The following MBNL1 variants were observed in gnomAD, a reference collection of about 807,000 sequenced individuals.
MBNL1 encodes the protein muscleblind-like protein 1.
Under a neutral mutation model 42.2 loss-of-function variants are expected in MBNL1, and 8 were observed. The ratio of observed to expected loss-of-function variants is 0.19; its 90% CI spans 0.11 to 0.34. MBNL1 has a LOEUF of 0.34. MBNL1 is among the 10% of genes least tolerant of loss of function. MBNL1 has a pLI of 1.00. For missense variants in MBNL1, 309 were observed against 495.3 expected (o/e 0.62, Z 3.57); for synonymous variants, 169 against 173.9 (o/e 0.97, Z 0.22).
At position 152,280,761 on chromosome 3, in the gene MBNL1, G is replaced by C. The variant is rs573979745; in HGVS notation, c.-790+11669G>C. Among the ~76,000 whole-genome samples, 7 of 152,246 alleles carry C rather than the reference G, an allele frequency of 4.6e-5. No homozygotes were observed. The South Asian group carries it at 1.4e-3, about 32-fold the overall frequency. ...GCCAGCTTCCAGACTTTGAAATGGT[G>C]AAAGTGCAACTGTGCATATTCTTCT... On this transcript the variant is annotated intron_variant, in intron 1 of 9. Coordinates refer to ENST00000324210, the MANE Select transcript of MBNL1 (RefSeq NM_021038.5).
chr3:152,246,626 T>C (rs1428607993), intron 2 of MBNL1, among the ~76,000 whole-genome samples: 1 of 152,046 alleles, frequency 6.6e-6, no homozygotes, highest in Admixed American at 6.6e-5. Flanking sequence ...TTCTGAGCTG[T>C]AGTATATATT....
intron 1 of MBNL1, among the ~76,000 whole-genome samples, chr3:152,272,246 C>G (rs990651232): frequency 6.6e-6 from 1 of 152,068 alleles, no homozygotes; most frequent in African/African-American, 2.4e-5. Context: ...TCTTTCTTAT[C>G]CATTGTAACC....
intron 2 of MBNL1, among the ~76,000 whole-genome samples, chr3:152,332,618 G>A (rs2085520321): frequency 6.6e-6 from 1 of 151,862 alleles, no homozygotes; most frequent in Non-Finnish European, 1.5e-5. Flanking sequence ...ATTTCTTACA[G>A]CTTATGGCTA....
At chr3:152,434,090 G>A (rs2099046175) in intron 4 of MBNL1, among the ~76,000 whole-genome samples, 1 of 152,126 alleles carries the variant, frequency 6.6e-6, no homozygotes, top group Admixed American at 6.5e-5. Flanking sequence ...ACATGTGCAG[G>A]TTTTTATATA....
At chr3:152,366,406 T>C (rs2096373792) in intron 2 of MBNL1, among the ~76,000 whole-genome samples, 1 of 152,168 alleles carries the variant, frequency 6.6e-6, no homozygotes, top group Non-Finnish European at 1.5e-5. Context: ...ATTTGTCTTC[T>C]TATTTTGCTG....
chr3:152,370,170 A>G (rs1432675151), intron 2 of MBNL1, among the ~76,000 whole-genome samples: 1 of 152,066 alleles, frequency 6.6e-6, no homozygotes, highest in Non-Finnish European at 1.5e-5. Flanking sequence ...TCTAAACACT[A>G]CTTTAGCTGT....
chr3:152,447,447 T>G (rs904231102), intron 5 of MBNL1, among the ~76,000 whole-genome samples, 173 bp from the exon 6 acceptor site: 1 of 151,916 alleles, frequency 6.6e-6, no homozygotes, highest in African/African-American at 2.4e-5. Context: ...ATCTTGCTTT[T>G]TTTTTTTTTT....
chr3:152,260,922 T>C (rs1202205526), intron 2 of MBNL1, among the ~76,000 whole-genome samples: 1 of 152,222 alleles, frequency 6.6e-6, no homozygotes, highest in African/African-American at 2.4e-5. Flanking sequence ...TCTAGATGCA[T>C]ATGGGCACCA....
chr3:152,434,027 C>G (rs1406576627), intron 4 of MBNL1, among the ~76,000 whole-genome samples: 4 of 152,142 alleles, frequency 2.6e-5, no homozygotes. Flanking sequence ...CCTCTTTTCC[C>G]TGGTGAGGAT....
chr3:152,305,723 G>C (rs946877452), intron 2 of MBNL1, among the ~76,000 whole-genome samples: 3 of 152,170 alleles, frequency 2.0e-5, no homozygotes, highest in Non-Finnish European at 4.4e-5. Flanking sequence ...AAGTATAATA[G>C]ATTATTAGGA....
At chr3:152,305,878 A>T (rs1315917297) in intron 2 of MBNL1, among the ~76,000 whole-genome samples, 1 of 152,220 alleles carries the variant, frequency 6.6e-6, no homozygotes, top group African/African-American at 2.4e-5. Flanking sequence ...ACATCTACCT[A>T]CAGCATCATC....
intron 2 of MBNL1, among the ~76,000 whole-genome samples, chr3:152,262,209 A>T (rs2036416084): frequency 6.6e-6 from 1 of 152,244 alleles, no homozygotes; most frequent in South Asian, 2.1e-4. Flanking sequence ...ATATATTAAA[A>T]TTAATTTATG....
intron 3 of MBNL1, among the ~76,000 whole-genome samples, chr3:152,429,548 A>G (rs1183927443): frequency 1.3e-5 from 2 of 152,186 alleles, no homozygotes; most frequent in Non-Finnish European, 2.9e-5. Context: ...CCACTTGATA[A>G]CAACATTGCA....
chr3:152,355,743 C>T (rs975122721), intron 2 of MBNL1, among the ~76,000 whole-genome samples: 1 of 152,130 alleles, frequency 6.6e-6, no homozygotes. Flanking sequence ...TTAGTATTCA[C>T]TTACTGTACT....
chr3:152,338,733 A>G (rs534564775), intron 2 of MBNL1: 4 of 966,668 alleles, frequency 4.1e-6, no homozygotes, highest in Admixed American at 1.2e-4. Context: ...CCCTGTAGCT[A>G]TGGATTTAAT....
intron 2 of MBNL1, among the ~76,000 whole-genome samples, chr3:152,319,835 C>T (rs565552310): frequency 5.3e-4 from 80 of 152,020 alleles, no homozygotes; most frequent in African/African-American, 1.5e-3. Flanking sequence ...CTGTAGTCAA[C>T]CTGTGGTCGC....
At chr3:152,401,796 T>C (rs9917786) in intron 2 of MBNL1, among the ~76,000 whole-genome samples, 75,152 of 151,800 alleles carry the variant, frequency 0.5, 18,978 homozygotes, top group Middle Eastern at 0.61. Context: ...GAGGCTGAGG[T>C]GGGCAGATCA....
intron 2 of MBNL1, among the ~76,000 whole-genome samples, chr3:152,413,277 A>G (rs1412289287): frequency 6.6e-6 from 1 of 152,220 alleles, no homozygotes; most frequent in African/African-American, 2.4e-5. Context: ...AATCATCTTC[A>G]TACCAATGTT....
intron 6 of MBNL1, among the ~76,000 whole-genome samples, chr3:152,454,025 G>A (rs536670168): frequency 2.0e-5 from 3 of 151,850 alleles, no homozygotes; most frequent in East Asian, 1.9e-4. Flanking sequence ...ATGTAGATCC[G>A]GTATTAAGTT....
Sources: gnomAD v4.1 joint callset for allele counts (sites outside exome capture counted in the v4.1 genomes callset) on GRCh38, gnomAD v4.1.1 for gene constraint, MANE v1.5 for transcripts, NCBI Gene and HGNC (gene_info 2026-07-23, HGNC 2026-07-21) for gene names.